The following PLCB1 variants were observed in gnomAD, a reference collection of about 807,000 sequenced individuals.
PLCB1 encodes phospholipase C beta 1.
Under a neutral mutation model 161.8 loss-of-function variants are expected in PLCB1, and 46 were observed. The ratio of observed to expected loss-of-function variants is 0.28; its 90% CI spans 0.22 to 0.36. The LOEUF (loss-of-function observed/expected upper bound fraction) is 0.36, where lower values mean the gene tolerates loss of function less well. Among genes scored for constraint, PLCB1 ranks in the 10% least tolerant of loss-of-function variants. The probability of loss-of-function intolerance (pLI) is 1.00; values close to 1 mark genes in which losing one functional copy is unlikely to be tolerated. For missense variants in PLCB1, 1,016 were observed against 1,472.5 expected (o/e 0.69, Z 5.07); for synonymous variants, 517 against 503.7 (o/e 1.03, Z -0.35).
intron 23 of PLCB1, chr20:8,751,367 C>T (rs1438006335): frequency 6.6e-6 from 1 of 152,256 alleles, no homozygotes; most frequent in Admixed American, 6.6e-5. Flanking sequence ...GTTAAATCCT[C>T]CAAATCCTAA....
chr20:8,718,328 G>C (rs1327017389), intron 14 of PLCB1, among the ~76,000 whole-genome samples: 1 of 152,192 alleles, frequency 6.6e-6, no homozygotes, highest in Non-Finnish European at 1.5e-5. Flanking sequence ...AAACTTAGCG[G>C]CTTAAACCAG....
At position 8,202,048 on chromosome 20, in the gene PLCB1, A is replaced by T. The variant is rs145391863; in HGVS notation, c.177+51677A>T. Reference sequence around the variant, plus strand: ...GTATATTCAGGAAGGCAGTATAGTTATTTTATAATGTTGTTCTTTTGTTTG... The same window carrying T: ...GTATATTCAGGAAGGCAGTATAGTTTTTTTATAATGTTGTTCTTTTGTTTG... On this transcript the variant is annotated intron_variant, in intron 2 of 31. Coordinates refer to ENST00000338037, the MANE Select transcript of PLCB1 (RefSeq NM_015192.4). Among the ~76,000 whole-genome samples the T allele has an allele frequency of 4.8e-3, 732 of 152,222 alleles. 10 individuals carry two copies. The highest frequency in any genetic ancestry group is 0.016 in the African/African-American group (665 of 41,556).
chr20:8,316,660 A>G (rs1255580677), intron 2 of PLCB1, among the ~76,000 whole-genome samples: 1 of 152,066 alleles, frequency 6.6e-6, no homozygotes, highest in South Asian at 2.1e-4. Flanking sequence ...ACAAACCCCT[A>G]TCTCCGGGTT....
In PLCB1 at chr20:8,587,226, ACTTAG is replaced by A. The variant is rs371769938; in HGVS notation, c.247-41064_247-41060del. On this transcript the variant is annotated intron_variant, in intron 3 of 31. Transcript: ENST00000338037. The stretch of plus-strand genomic sequence containing the variant: ...CAAAAAGGGAGATGGTGTAGAATCT[ACTTAG>A]CTTTGAGCAGTACCAACAGAGAATT... Among the ~76,000 whole-genome samples the A allele has an allele frequency of 1.1e-3, 160 of 152,224 alleles. 3 individuals are homozygous for A. The South Asian group carries it at 0.027, about 26-fold the overall frequency.
chr20:8,398,059 G>A (rs1013472637), intron 3 of PLCB1, among the ~76,000 whole-genome samples: 71 of 152,056 alleles, frequency 4.7e-4, no homozygotes, highest in African/African-American at 1.6e-3. Flanking sequence ...GTGTATTACA[G>A]AATCTTTATT....
intron 2 of PLCB1, among the ~76,000 whole-genome samples, chr20:8,209,773 A>G (rs1978725855): frequency 6.6e-6 from 1 of 152,152 alleles, no homozygotes; most frequent in Non-Finnish European, 1.5e-5. Context: ...AAACATACTG[A>G]CATAGAAAAT....
chr20:8,523,288 G>A (rs778465851), intron 3 of PLCB1, among the ~76,000 whole-genome samples: 1 of 151,082 alleles, frequency 6.6e-6, no homozygotes, highest in Non-Finnish European at 1.5e-5. Context: ...GAATGTATAC[G>A]GCTCAGGAAG....
intron 30 of PLCB1, 118 bp from the exon 31 acceptor site, chr20:8,790,057 A>C: frequency 1.5e-6 from 1 of 678,634 alleles, no homozygotes; most frequent in Non-Finnish European, 2.6e-6. Context: ...GTAGTTCTTG[A>C]TCAGGAGATC....
intron 2 of PLCB1, among the ~76,000 whole-genome samples, chr20:8,243,758 A>C (rs979042624): frequency 6.6e-6 from 1 of 151,966 alleles, no homozygotes; most frequent in African/African-American, 2.4e-5. Context: ...ACTTGTGATA[A>C]GGTCAAATGC....
chr20:8,352,904 T>G (rs192313942), intron 2 of PLCB1, among the ~76,000 whole-genome samples: 67 of 152,300 alleles, frequency 4.4e-4, no homozygotes, highest in African/African-American at 1.3e-3. Context: ...CATTTTTAGC[T>G]TAATATACAT....
At chr20:8,774,815 G>A in intron 27 of PLCB1, 96 bp downstream of exon 27, 2 of 970,450 alleles carry the variant, frequency 2.1e-6, no homozygotes, top group Non-Finnish European at 3.0e-6. Context: ...ACAAGGGTGG[G>A]TGTGACTGGC....
At chr20:8,406,160 A>G (rs1441289512) in intron 3 of PLCB1, among the ~76,000 whole-genome samples, 1 of 152,138 alleles carries the variant, frequency 6.6e-6, no homozygotes, top group Non-Finnish European at 1.5e-5. Context: ...TATGTGTTCT[A>G]TGGCTTTGAT....
At chr20:8,254,234 A>G (rs1334928394) in intron 2 of PLCB1, among the ~76,000 whole-genome samples, 3 of 151,938 alleles carry the variant, frequency 2.0e-5, no homozygotes, top group Non-Finnish European at 2.9e-5. Flanking sequence ...TCCAGAACAC[A>G]TATTTTTCAC....
chr20:8,457,710 G>C (rs1451461515), intron 3 of PLCB1, among the ~76,000 whole-genome samples: 3 of 71,324 alleles, frequency 4.2e-5, no homozygotes. Flanking sequence ...CCTAATGTGT[G>C]CGCGCACACA....
intron 31 of PLCB1, among the ~76,000 whole-genome samples, chr20:8,800,559 C>G (rs1056676330): frequency 4.6e-5 from 7 of 152,120 alleles, no homozygotes; most frequent in Non-Finnish European, 4.4e-5. Context: ...TTCGCCCTAT[C>G]TAATTATGCT....
chr20:8,769,260 A>G (rs1270422753), intron 26 of PLCB1, among the ~76,000 whole-genome samples: 1 of 152,112 alleles, frequency 6.6e-6, no homozygotes, highest in Non-Finnish European at 1.5e-5. Context: ...TAACATTTTT[A>G]AAATAAAAAT....
chr20:8,286,102 A>T (rs891948620), intron 2 of PLCB1, among the ~76,000 whole-genome samples: 1 of 152,218 alleles, frequency 6.6e-6, no homozygotes, highest in East Asian at 1.9e-4. Flanking sequence ...AGGCAGGCAG[A>T]TCACCTGAGG....
chr20:8,675,011 G>A (rs1990041109), intron 9 of PLCB1, among the ~76,000 whole-genome samples: 1 of 151,966 alleles, frequency 6.6e-6, no homozygotes, highest in Non-Finnish European at 1.5e-5. Context: ...TAATTTCTAT[G>A]GCAGTGTTTT....
chr20:8,633,871 T>A (rs930883080), intron 4 of PLCB1, among the ~76,000 whole-genome samples: 1 of 152,158 alleles, frequency 6.6e-6, no homozygotes, highest in Non-Finnish European at 1.5e-5. Context: ...GTAAATGAAA[T>A]CATACAATAA....
Sources: gnomAD v4.1 joint callset for allele counts (sites outside exome capture counted in the v4.1 genomes callset) on GRCh38, gnomAD v4.1.1 for gene constraint, MANE v1.5 for transcripts, NCBI Gene and HGNC (gene_info 2026-07-23, HGNC 2026-07-21) for gene names.